Variants in CCDC186 observed in about 807,000 individuals in gnomAD.
CCDC186 encodes the protein coiled-coil domain containing 186.
A neutral mutation model predicts 113.7 loss-of-function variants in CCDC186; 49 were observed. That is an observed-to-expected ratio of 0.43 (90% CI 0.34 to 0.55). The LOEUF (loss-of-function observed/expected upper bound fraction) is 0.55, where lower values mean the gene tolerates loss of function less well. Ranked by LOEUF, CCDC186 falls within the 20% of genes least tolerant of loss-of-function variation. The pLI, the probability that CCDC186 is intolerant of heterozygous loss-of-function variation, is 0.02. For synonymous variants in CCDC186, 355 were observed against 345.8 expected (o/e 1.03, Z -0.30); for missense variants, 890 against 1,011.1 (o/e 0.88, Z 1.62).
In CCDC186 at chr10:114,163,425, A is replaced by G. The variant is rs2032239722; in HGVS notation, c.-61-96T>C. The G allele has an allele frequency of 7.3e-6, 7 of 956,378 alleles. No individual in the cohort carries two copies. In the Admixed American group the frequency reaches 1.9e-4, roughly 26 times the overall value. The allele number at this position is 956,378 out of a possible 1,614,324, so 59.2% of individuals were successfully genotyped here. ...GTGATGTGGAATAACTAACACCACA[A>G]ATTTTATCACTAACAATTCCTTTAA... On this transcript the variant is annotated intron_variant, in intron 1 of 15. Transcript: ENST00000369287.
chr10:114,153,419 TACC>T (rs2031912441), intron 3 of CCDC186, among the ~76,000 whole-genome samples: 1 of 151,966 alleles, frequency 6.6e-6, no homozygotes, highest in Non-Finnish European at 1.5e-5. Context: ...AAACATAATA[TACC>T]ACAACTCAGG....
chr10:114,148,307 C>T lies in CCDC186; in HGVS notation c.889-2546G>A, dbSNP rs142528668. 1.2e-3 allele frequency among the ~76,000 whole-genome samples: 190 copies of T among 152,248 alleles called. 2 individuals carry two copies. The highest frequency in any genetic ancestry group is 4.3e-3 in the African/African-American group (180 of 41,548). ...CCCATCCTGCTAATGGCAGCACCTA[C>T]CTCACAGCATCATTGGGAGTATTAA... On this transcript the variant is annotated intron_variant, in intron 4 of 15. Coordinates refer to ENST00000369287, the MANE Select transcript of CCDC186 (RefSeq NM_018017.4).
intron 6 of CCDC186, among the ~76,000 whole-genome samples, chr10:114,139,560 C>T (rs2031399433): frequency 7.1e-6 from 1 of 141,660 alleles, no homozygotes; most frequent in South Asian, 2.2e-4. Flanking sequence ...AAGACTCCAT[C>T]TCAAAAAAAA....
intron 2 of CCDC186, among the ~76,000 whole-genome samples, chr10:114,158,435 C>T (rs2032073084): frequency 6.6e-6 from 1 of 152,052 alleles, no homozygotes; most frequent in African/African-American, 2.4e-5. Context: ...TAGCTGTAAC[C>T]TAACATTTAT....
intron 1 of CCDC186, chr10:114,165,947 A>G: frequency 3.0e-6 from 3 of 984,976 alleles, no homozygotes; most frequent in Non-Finnish European, 3.6e-6. Flanking sequence ...TCTTCAGAGA[A>G]AACAATGAGT....
At chr10:114,126,459 C>T (rs891651547) in intron 14 of CCDC186, among the ~76,000 whole-genome samples, 6 of 152,296 alleles carry the variant, frequency 3.9e-5, no homozygotes, top group East Asian at 1.9e-4. Context: ...TCGGCTCAAG[C>T]GATCCTCCTG....
intron 4 of CCDC186, among the ~76,000 whole-genome samples, chr10:114,146,996 T>A (rs1248346629): frequency 6.6e-6 from 1 of 152,230 alleles, no homozygotes; most frequent in Non-Finnish European, 1.5e-5. Context: ...ATAGTCATAC[T>A]AATTTTCAAA....
At chr10:114,157,071 CTA>C (rs1381615561) in intron 3 of CCDC186, among the ~76,000 whole-genome samples, 1 of 151,954 alleles carries the variant, frequency 6.6e-6, no homozygotes, top group Non-Finnish European at 1.5e-5. Flanking sequence ...ATACATCAGG[CTA>C]TGAGTCCTAC....
chr10:114,174,182 G>C lies in CCDC186; in HGVS notation c.-229C>G. On this transcript the variant is annotated 5_prime_UTR_variant, in exon 1 of 16. Transcript: ENST00000369287. Reference sequence around the variant, plus strand: ...GCGGCCGTTTCCCCAAACCCCTGCGGAGCTGACACATCAACAAAGATGGCG... The same window carrying C: ...GCGGCCGTTTCCCCAAACCCCTGCGCAGCTGACACATCAACAAAGATGGCG... 1 of 452,866 alleles carries C rather than the reference G, an allele frequency of 2.2e-6. No homozygotes were observed. Among genetic ancestry groups the C allele is most frequent in the African/African-American group, 2.0e-5 (1 of 49,628 alleles). The allele number at this position is 452,866 out of a possible 1,614,324, so 28.1% of individuals were successfully genotyped here. A position where few individuals can be genotyped will look rare whatever the true frequency, so the allele number is the denominator to read the frequency against.
At chr10:114,157,055 A>G (rs2032030576) in intron 3 of CCDC186, among the ~76,000 whole-genome samples, 1 of 152,176 alleles carries the variant, frequency 6.6e-6, no homozygotes. Context: ...ACTTACATAA[A>G]AGGAAATACA....
rs766458093 is a variant in CCDC186, at chr10:114,129,893, G to A, written c.2180C>T (p.Ser727Leu). ...AACTAGAGCCACTAGTTTTTTACCT[G>A]ATGAACTAGAACGACTTCCCATGCT... ...VSSMGSRSSS[S>L]GSLNARSSAE... is the part of the protein sequence containing the mutation. The change falls in exon 13 of 16, where the codon TCA (serine) becomes TTA (leucine). Residue 727 changes from serine (S) to leucine (L), a missense_variant and splice_region_variant. Coordinates refer to ENST00000369287, the MANE Select transcript of CCDC186 (RefSeq NM_018017.4). 6.2e-7 allele frequency: 1 copy of A among 1,612,858 alleles called. No individual in the cohort carries two copies. The highest frequency in any genetic ancestry group is 8.5e-7 in the Non-Finnish European group (1 of 1,179,184).
At chr10:114,154,218 AAAAAAAAAAG>A (rs1159017417) in intron 3 of CCDC186, among the ~76,000 whole-genome samples, 4 of 151,072 alleles carry the variant, frequency 2.6e-5, no homozygotes, top group African/African-American at 7.3e-5. Flanking sequence ...CTCAAAAAAA[AAAAAAAAAAG>A]AAAAGAAAAA....
chr10:114,148,471 A>G (rs1197614967), intron 4 of CCDC186, among the ~76,000 whole-genome samples: 3 of 152,262 alleles, frequency 2.0e-5, no homozygotes, highest in Non-Finnish European at 4.4e-5. Flanking sequence ...GATAAAGATA[A>G]GTAAAACATG....
intron 10 of CCDC186, 86 bp from the exon 11 acceptor site, chr10:114,132,270 G>T: frequency 1.1e-6 from 1 of 944,472 alleles, no homozygotes; most frequent in Non-Finnish European, 1.5e-6. Context: ...CTAGTCAAAT[G>T]CTTAATAAAG....
intron 1 of CCDC186, among the ~76,000 whole-genome samples, chr10:114,169,446 G>A (rs1439282942): frequency 1.3e-5 from 2 of 151,844 alleles, no homozygotes; most frequent in African/African-American, 4.8e-5. Flanking sequence ...GTTTCACCAT[G>A]TTGGCCAGGC....
intron 5 of CCDC186, 131 bp downstream of exon 5, chr10:114,145,418 G>A (rs1207532775): frequency 1.2e-6 from 1 of 812,966 alleles, no homozygotes; most frequent in African/African-American, 1.8e-5. Context: ...GTTTTAGAAG[G>A]TAAACTAATA....
chr10:114,132,289 A>T (rs1243242691), intron 10 of CCDC186, 105 bp from the exon 11 acceptor site: 11 of 811,480 alleles, frequency 1.4e-5, no homozygotes, highest in Non-Finnish European at 2.0e-5. Context: ...AGGTACTTCT[A>T]TTCATTCATC....
chr10:114,130,815 TATAA>T (rs1344514015), intron 12 of CCDC186: 3 of 183,160 alleles, frequency 1.6e-5, no homozygotes, highest in African/African-American at 7.0e-5. Context: ...GTTTAAAATG[TATAA>T]ATAAACATAT....
Position 114,151,158 on chromosome 10 carries a change from A to G in CCDC186, c.822T>C (p.Ala274=). The change falls in exon 4 of 16, where the codon GCT becomes GCC. Residue 274 remains alanine, a synonymous_variant. Transcript: ENST00000369287. ...CTGCATTTTTAGCTGTAACGTCTTG[A>G]GCTATTAGTTGATCTCTGGAAGCTT... The part of the protein sequence containing the change: ...EVKASRDQLI[A]QDVTAKNAVQ... The G allele has an allele frequency of 2.5e-6, 4 of 1,612,832 alleles. No individual in the cohort carries two copies. Among genetic ancestry groups the G allele is most frequent in the Non-Finnish European group, 3.4e-6 (4 of 1,178,982 alleles).
Sources: allele counts gnomAD v4.1 joint callset (sites outside exome capture counted in the v4.1 genomes callset), GRCh38; gene constraint gnomAD v4.1.1; transcripts MANE v1.5; gene names NCBI Gene and HGNC (gene_info 2026-07-23, HGNC 2026-07-21).